Variants in MAJIN observed in about 807,000 individuals in gnomAD.
The protein encoded by MAJIN is membrane anchored junction protein.
Under a neutral mutation model 30.2 loss-of-function variants are expected in MAJIN, and 27 were observed. That is an observed-to-expected ratio of 0.89 (90% CI 0.66 to 1.23). The LOEUF (loss-of-function observed/expected upper bound fraction) is 1.23, where lower values mean the gene tolerates loss of function less well. Among genes scored for constraint, MAJIN ranks in the 50% most tolerant of loss-of-function variants. The pLI, the probability that MAJIN is intolerant of heterozygous loss-of-function variation, is 0.00. For synonymous variants in MAJIN, 78 were observed against 91.6 expected (o/e 0.85, Z 0.85); for missense variants, 253 against 260.3 (o/e 0.97, Z 0.19).
chr11:64,945,230 C>T (rs1005447611), intron 8 of MAJIN, among the ~76,000 whole-genome samples: 50 of 152,082 alleles, frequency 3.3e-4, no homozygotes, highest in African/African-American at 1.2e-3. Flanking sequence ...TGGTAGCACA[C>T]GCCTGTAGTC....
chr11:64,965,514 C>T (rs1158854665), intron 1 of MAJIN, among the ~76,000 whole-genome samples: 1 of 152,160 alleles, frequency 6.6e-6, no homozygotes, highest in Non-Finnish European at 1.5e-5. Flanking sequence ...TCCCCTTTCA[C>T]CTTAACCATC....
intron 8 of MAJIN, among the ~76,000 whole-genome samples, chr11:64,942,486 C>T (rs138727925): frequency 2.3e-4 from 35 of 152,178 alleles, no homozygotes; most frequent in Middle Eastern, 3.4e-3. Flanking sequence ...TAAGCCTTTG[C>T]GTCCTCATAG....
In MAJIN at chr11:64,938,348, G is replaced by A; in HGVS notation, c.*227C>T. ...TTCCATTCTTAATGTTTTAAATTGG[G>A]GGAAAAAATCTATTATAAAGGGGCA... is the stretch of plus-strand genomic sequence containing the variant. On this transcript the variant is annotated 3_prime_UTR_variant, in exon 11 of 11. Coordinates refer to ENST00000301896, the MANE Select transcript of MAJIN (RefSeq NM_001037225.3). 3.1e-6 allele frequency: 2 copies of A among 643,442 alleles called. No homozygotes were observed. The highest frequency in any genetic ancestry group is 4.4e-5 in the South Asian group (2 of 45,024). The allele number at this position is 643,442 out of a possible 1,614,324, so 39.9% of individuals were successfully genotyped here. A position where few individuals can be genotyped will look rare whatever the true frequency, so the allele number is the denominator to read the frequency against.
intron 1 of MAJIN, among the ~76,000 whole-genome samples, chr11:64,968,988 T>C (rs1945855542): frequency 6.6e-6 from 1 of 152,114 alleles, no homozygotes; most frequent in Admixed American, 6.5e-5. Flanking sequence ...TGCTGCTGAT[T>C]TGGACTTGGG....
intron 4 of MAJIN, among the ~76,000 whole-genome samples, chr11:64,952,164 CAGGCATG>C (rs1419021152): frequency 6.6e-6 from 1 of 151,964 alleles, no homozygotes; most frequent in Non-Finnish European, 1.5e-5. Flanking sequence ...GCTAGGATTA[CAGGCATG>C]AGCGACCACG....
rs1316554089 is a variant in MAJIN, at chr11:64,961,697, C to T, written c.-64-1562G>A. On this transcript the variant is annotated intron_variant, in intron 1 of 10. Transcript: ENST00000301896. ...TTCACCGTGTTAGCCAGGATGGTCT[C>T]GATCTCCTGGCCTTGTGATCCGCCC... Among the ~76,000 whole-genome samples, 5 of 148,184 alleles carry T rather than the reference C, an allele frequency of 3.4e-5. No homozygotes were observed. In the East Asian group the frequency reaches 6.1e-4, roughly 18 times the overall value.
intron 3 of MAJIN, among the ~76,000 whole-genome samples, chr11:64,956,174 C>T (rs192040973): frequency 7.5e-4 from 114 of 152,246 alleles, no homozygotes; most frequent in Middle Eastern, 3.4e-3. Context: ...GTGGTGCATG[C>T]CTGTAATCCT....
rs1245275209 is a variant in MAJIN at position 64,947,451 on chromosome 11, C to T, written c.396G>A (p.Lys132=). 1 of 1,613,838 alleles carries T rather than the reference C, an allele frequency of 6.2e-7. No homozygotes were observed. The highest frequency in any genetic ancestry group is 8.5e-7 in the Non-Finnish European group (1 of 1,180,030). Residue 132 remains lysine, a synonymous_variant, in exon 8 of 11, where the codon AAG becomes AAA. Transcript: ENST00000301896. ...DSPLGLVPVE[K]KAVGAVMRKR... ...TCCTCATCACAGCTCCTACTGCTTTCTTCTCAACTGGGACCTTCAGGAGGA... is the reference window on the plus strand; with the variant it reads ...TCCTCATCACAGCTCCTACTGCTTTTTTCTCAACTGGGACCTTCAGGAGGA...
intron 7 of MAJIN, 117 bp downstream of exon 7, chr11:64,947,671 G>T (rs1945471811): frequency 1.7e-6 from 2 of 1,184,850 alleles, no homozygotes; most frequent in South Asian, 2.5e-5. Flanking sequence ...TTACAATTCT[G>T]ACTGGACCTG....
At chr11:64,956,299 CAAAT>C (rs906180608) in intron 3 of MAJIN, among the ~76,000 whole-genome samples, 4 of 151,580 alleles carry the variant, frequency 2.6e-5, no homozygotes, top group Admixed American at 6.6e-5. Flanking sequence ...AACTCCATCT[CAAAT>C]AAATAAATAA....
intron 8 of MAJIN, among the ~76,000 whole-genome samples, chr11:64,943,815 A>G (rs1478582623): frequency 6.6e-6 from 1 of 152,236 alleles, no homozygotes; most frequent in African/African-American, 2.4e-5. Context: ...TTCCTTTAAT[A>G]GTAATTATCT....
chr11:64,954,223 A>G (rs1945596947), intron 4 of MAJIN: 1 of 190,978 alleles, frequency 5.2e-6, no homozygotes, highest in South Asian at 9.3e-5. Context: ...GCTTCCACCA[A>G]TTTGTAAAGT....
At chr11:64,941,941 G>GA (rs1279212694) in intron 8 of MAJIN, among the ~76,000 whole-genome samples, 4 of 152,200 alleles carry the variant, frequency 2.6e-5, no homozygotes, top group African/African-American at 4.8e-5. Context: ...AGGCATGGTA[G>GA]AAACATGACT....
intron 4 of MAJIN, 103 bp downstream of exon 4, chr11:64,954,654 C>G (rs1945603812): frequency 8.8e-7 from 1 of 1,142,062 alleles, no homozygotes. Flanking sequence ...GCCAAGTTAT[C>G]AAGTGGAGGT....
chr11:64,968,631 G>A (rs892702019), intron 1 of MAJIN, among the ~76,000 whole-genome samples: 3 of 151,620 alleles, frequency 2.0e-5, no homozygotes, highest in Non-Finnish European at 2.9e-5. Context: ...TCAGGAGATC[G>A]AGACCATCCT....
intron 3 of MAJIN, among the ~76,000 whole-genome samples, chr11:64,958,304 T>C (rs1263851891): frequency 6.6e-6 from 1 of 152,050 alleles, no homozygotes; most frequent in Non-Finnish European, 1.5e-5. Flanking sequence ...AAAAGCTCTT[T>C]AGGGTCCTTA....
intron 1 of MAJIN, among the ~76,000 whole-genome samples, chr11:64,970,613 C>T (rs1446140547): frequency 1.3e-5 from 2 of 151,556 alleles, no homozygotes; most frequent in African/African-American, 2.4e-5. Context: ...GATCCACCTG[C>T]CTCAGCCTCC....
rs1945592675 is a variant in MAJIN at position 64,953,873 on chromosome 11, C to A, written c.147+884G>T. Among the ~76,000 whole-genome samples the A allele has an allele frequency of 2.0e-5, 3 of 152,130 alleles. No individual in the cohort carries two copies. The South Asian group carries it at 6.2e-4, about 32-fold the overall frequency. On this transcript the variant is annotated intron_variant, in intron 4 of 10. Transcript: ENST00000301896. Reference sequence around the variant, plus strand: ...TAAAATAACTTATTCATAATGATATCCTTGAGGGTCCTGCAAGATCCTAAT... The same window carrying A: ...TAAAATAACTTATTCATAATGATATACTTGAGGGTCCTGCAAGATCCTAAT...
intron 1 of MAJIN, among the ~76,000 whole-genome samples, chr11:64,964,340 G>A (rs959280489): frequency 6.6e-6 from 1 of 152,172 alleles, no homozygotes; most frequent in Admixed American, 6.5e-5. Flanking sequence ...ACTCATGAAC[G>A]CCTATAGCTG....
Sources: gnomAD v4.1 joint callset for allele counts (sites outside exome capture counted in the v4.1 genomes callset) on GRCh38, gnomAD v4.1.1 for gene constraint, MANE v1.5 for transcripts, NCBI Gene and HGNC (gene_info 2026-07-23, HGNC 2026-07-21) for gene names.